Variants in SEMA3E observed in about 807,000 individuals in gnomAD.
The protein encoded by SEMA3E is semaphorin 3E.
A neutral mutation model predicts 93.6 loss-of-function variants in SEMA3E; 49 were observed. That is an observed-to-expected ratio of 0.52 (90% CI 0.42 to 0.66). The LOEUF (loss-of-function observed/expected upper bound fraction) is 0.66, where lower values mean the gene tolerates loss of function less well. SEMA3E is among the 30% of genes least tolerant of loss of function. SEMA3E has a pLI of 0.00. For synonymous variants in SEMA3E, 363 were observed against 330.7 expected (o/e 1.10, Z -1.06); for missense variants, 906 against 964.8 (o/e 0.94, Z 0.81).
intron 5 of SEMA3E, 86 bp from the exon 6 acceptor site, chr7:83,408,573 A>C: frequency 7.4e-7 from 1 of 1,347,774 alleles, no homozygotes; most frequent in Admixed American, 1.9e-5. Flanking sequence ...ATGTGTATCT[A>C]TAATATGTAC....
At chr7:83,530,631 C>T (rs182256343) in intron 1 of SEMA3E, among the ~76,000 whole-genome samples, 7 of 152,242 alleles carry the variant, frequency 4.6e-5, no homozygotes, top group African/African-American at 9.6e-5. Flanking sequence ...AATCCCAACA[C>T]TTTGGGAGGC....
At chr7:83,623,011 A>C (rs1172271230) in intron 1 of SEMA3E, among the ~76,000 whole-genome samples, 1 of 152,174 alleles carries the variant, frequency 6.6e-6, no homozygotes, top group Non-Finnish European at 1.5e-5. Flanking sequence ...TAAATAAAAA[A>C]ATAAGCATTT....
intron 1 of SEMA3E, among the ~76,000 whole-genome samples, chr7:83,529,755 A>G (rs1791247355): frequency 6.6e-6 from 1 of 152,152 alleles, no homozygotes; most frequent in African/African-American, 2.4e-5. Context: ...AAGTATTAGT[A>G]TTCTCTCAAT....
intron 1 of SEMA3E, among the ~76,000 whole-genome samples, chr7:83,551,048 G>A (rs1468930702): frequency 6.6e-6 from 1 of 152,058 alleles, no homozygotes; most frequent in African/African-American, 2.4e-5. Context: ...TAAACATGTG[G>A]ATGAAGGGGA....
At chr7:83,585,009 G>C (rs1792594769) in intron 1 of SEMA3E, among the ~76,000 whole-genome samples, 1 of 152,130 alleles carries the variant, frequency 6.6e-6, no homozygotes, top group Non-Finnish European at 1.5e-5. Context: ...CCCCTGCCTA[G>C]GTCATAGTAG....
At chr7:83,521,521 C>T (rs1446418382) in intron 1 of SEMA3E, among the ~76,000 whole-genome samples, 1 of 152,102 alleles carries the variant, frequency 6.6e-6, no homozygotes, top group African/African-American at 2.4e-5. Flanking sequence ...TGAGCACTGG[C>T]ATATGGTACT....
chr7:83,578,948 G>A (rs982427034), intron 1 of SEMA3E, among the ~76,000 whole-genome samples: 7 of 151,988 alleles, frequency 4.6e-5, no homozygotes, highest in African/African-American at 1.7e-4. Flanking sequence ...GAATCAGTTA[G>A]TACCATGATT....
intron 14 of SEMA3E, 48 bp from the exon 15 acceptor site, chr7:83,387,098 G>T: frequency 6.5e-7 from 1 of 1,544,946 alleles, no homozygotes; most frequent in South Asian, 1.1e-5. Context: ...CAATTTTCCA[G>T]ACTTTAAAAT....
At chr7:83,607,378 T>C (rs985197888) in intron 1 of SEMA3E, among the ~76,000 whole-genome samples, 2 of 152,238 alleles carry the variant, frequency 1.3e-5, no homozygotes. Context: ...TCTTTACTCT[T>C]GTAATTTCAT....
chr7:83,647,047 C>T (rs749164157), intron 1 of SEMA3E, among the ~76,000 whole-genome samples: 12 of 151,994 alleles, frequency 7.9e-5, no homozygotes, highest in Non-Finnish European at 1.6e-4. Flanking sequence ...TAGAAATAGG[C>T]ATTTTGATAC....
chr7:83,463,845 A>G (rs1012949483), intron 4 of SEMA3E, among the ~76,000 whole-genome samples: 5 of 152,076 alleles, frequency 3.3e-5, no homozygotes, highest in African/African-American at 1.2e-4. Flanking sequence ...CCTTCCCTAC[A>G]CATCAAGCTC....
At position 83,405,935 on chromosome 7, in the gene SEMA3E, A is replaced by G. The variant is rs776446135; in HGVS notation, c.928+10T>C. The G allele has an allele frequency of 3.8e-6, 6 of 1,587,244 alleles. No homozygotes were observed. In the Admixed American group the frequency reaches 1.0e-4, roughly 27 times the overall value. ...AAAAGAGCAAATTTAATTCACCTAAAAACATTTACCTAATTCATCAAAATA... is the reference window on the plus strand; with the variant it reads ...AAAAGAGCAAATTTAATTCACCTAAGAACATTTACCTAATTCATCAAAATA... On this transcript the variant is annotated intron_variant, in intron 8 of 16. Transcript: ENST00000643230.
At chr7:83,390,884 A>G (rs1420975992) in intron 14 of SEMA3E, among the ~76,000 whole-genome samples, 4 of 152,188 alleles carry the variant, frequency 2.6e-5, no homozygotes, top group Non-Finnish European at 5.9e-5. Flanking sequence ...AAGGCTGGAC[A>G]CTGCTAAAAG....
chr7:83,454,278 T>A (rs201965385), intron 4 of SEMA3E, among the ~76,000 whole-genome samples: 37,329 of 100,676 alleles, frequency 0.37, 8,555 homozygotes, highest in East Asian at 0.54. Flanking sequence ...AAAAAATATA[T>A]ATATATATAT....
intron 1 of SEMA3E, among the ~76,000 whole-genome samples, chr7:83,624,994 T>C (rs1160142830): frequency 6.6e-6 from 1 of 152,212 alleles, no homozygotes. Flanking sequence ...CCTTTCCCCA[T>C]TGCTTGTTTT....
chr7:83,429,949 C>A (rs1788848608), intron 4 of SEMA3E, among the ~76,000 whole-genome samples: 1 of 152,080 alleles, frequency 6.6e-6, no homozygotes, highest in Admixed American at 6.5e-5. Flanking sequence ...ATCAAAATTT[C>A]TCCCATGGAT....
chr7:83,445,975 T>C (rs1379609696), intron 4 of SEMA3E, among the ~76,000 whole-genome samples: 3 of 152,180 alleles, frequency 2.0e-5, no homozygotes, highest in South Asian at 4.1e-4. Flanking sequence ...TAGCATCTTG[T>C]GTACACTTAC....
chr7:83,386,840 C>T, intron 15 of SEMA3E, 143 bp downstream of exon 15: 1 of 773,020 alleles, frequency 1.3e-6, no homozygotes, highest in Non-Finnish European at 2.1e-6. Flanking sequence ...ATTTTAACTA[C>T]ATGTCAGAGA....
At chr7:83,416,456 G>A (rs2115686038) in intron 5 of SEMA3E, among the ~76,000 whole-genome samples, 1 of 152,154 alleles carries the variant, frequency 6.6e-6, no homozygotes, top group Admixed American at 6.6e-5. Context: ...TAGGGAGGCT[G>A]AGTAGTGAGT....
Sources: gnomAD v4.1 joint callset for allele counts (sites outside exome capture counted in the v4.1 genomes callset) on GRCh38, gnomAD v4.1.1 for gene constraint, MANE v1.5 for transcripts, NCBI Gene and HGNC (gene_info 2026-07-23, HGNC 2026-07-21) for gene names.